CNTN6: variants seen among roughly 807,000 people sequenced by gnomAD.
CNTN6 encodes the protein contactin-6.
A neutral mutation model predicts 122.8 loss-of-function variants in CNTN6; 137 were observed. That is an observed-to-expected ratio of 1.12 (90% CI 0.97 to 1.29). CNTN6 has a LOEUF of 1.29. Ranked by LOEUF, CNTN6 falls within the 50% of genes most tolerant of loss-of-function variation. The pLI is 0.00. For missense variants in CNTN6, 1,634 were observed against 1,223.4 expected (o/e 1.34, Z -5.01); for synonymous variants, 570 against 426.0 (o/e 1.34, Z -4.16).
chr3:1,389,623 T>C (rs1693783758), intron 20 of CNTN6, among the ~76,000 whole-genome samples: 2 of 137,934 alleles, frequency 1.4e-5, no homozygotes, highest in African/African-American at 5.0e-5. Flanking sequence ...GACTGGCAAA[T>C]TGGATAAACA....
intron 4 of CNTN6, among the ~76,000 whole-genome samples, chr3:1,274,063 T>C (rs1448267055): frequency 6.6e-6 from 1 of 152,202 alleles, no homozygotes; most frequent in Non-Finnish European, 1.5e-5. Context: ...ATAGTCACAA[T>C]TTAATGGGGC....
At chr3:1,139,911 T>C (rs189443268) in intron 1 of CNTN6, among the ~76,000 whole-genome samples, 22 of 152,316 alleles carry the variant, frequency 1.4e-4, no homozygotes, top group African/African-American at 4.8e-4. Flanking sequence ...TTCAGGCACA[T>C]GTTCCTAAGT....
intron 4 of CNTN6, among the ~76,000 whole-genome samples, chr3:1,275,692 GATC>G (rs2125776858): frequency 6.6e-6 from 1 of 152,272 alleles, no homozygotes; most frequent in Admixed American, 6.5e-5. Flanking sequence ...GACAGTGACA[GATC>G]ATCAGGCATT....
chr3:1,287,792 A>C (rs2125831698), intron 5 of CNTN6, among the ~76,000 whole-genome samples: 1 of 152,300 alleles, frequency 6.6e-6, no homozygotes, highest in Middle Eastern at 3.4e-3. Context: ...ATGCCATGGC[A>C]ACTTCTAGAA....
At chr3:1,136,438 C>G (rs1291021579) in intron 1 of CNTN6, among the ~76,000 whole-genome samples, 1 of 152,148 alleles carries the variant, frequency 6.6e-6, no homozygotes, top group Non-Finnish European at 1.5e-5. Flanking sequence ...GTTTGGGAAA[C>G]AGTGCAGGCT....
At chr3:1,396,428 G>C (rs1303654164) in intron 20 of CNTN6, among the ~76,000 whole-genome samples, 1 of 152,222 alleles carries the variant, frequency 6.6e-6, no homozygotes, top group African/African-American at 2.4e-5. Flanking sequence ...TGGGACTTCA[G>C]AGAGAATTGT....
At chr3:1,395,294 C>T (rs1694847710) in intron 20 of CNTN6, among the ~76,000 whole-genome samples, 1 of 152,146 alleles carries the variant, frequency 6.6e-6, no homozygotes, top group South Asian at 2.1e-4. Context: ...ATATAAGTTG[C>T]TTATCACACA....
intron 10 of CNTN6, 104 bp downstream of exon 10, chr3:1,327,690 C>A (rs1465430124): frequency 2.6e-6 from 3 of 1,143,014 alleles, no homozygotes; most frequent in African/African-American, 1.6e-5. Flanking sequence ...AAATTGCTGT[C>A]CCATCAAATA....
At chr3:1,243,554 C>T (rs1038342732) in intron 4 of CNTN6, among the ~76,000 whole-genome samples, 8 of 151,658 alleles carry the variant, frequency 5.3e-5, no homozygotes, top group Non-Finnish European at 7.4e-5. Flanking sequence ...CTTTTAGGGT[C>T]TAGGGCTGTA....
rs1553610778 is a variant in CNTN6, at chr3:1,158,969, C to CACACACATATATATATATATATATATAT, written c.55+10907_55+10908insCACACATATATATATATATATATATATA. Among the ~76,000 whole-genome samples the CACACACATATATATATATATATATATAT allele has an allele frequency of 4.4e-4, 50 of 112,838 alleles. 4 individuals are homozygous for CACACACATATATATATATATATATATAT. The highest frequency in any genetic ancestry group is 1.9e-3 in the African/African-American group (49 of 26,194). The allele number at this position is 112,838 out of a possible 152,430, so 74.0% of individuals were successfully genotyped here. On this transcript the variant is annotated intron_variant, in intron 2 of 22. Coordinates refer to ENST00000446702, the MANE Select transcript of CNTN6 (RefSeq NM_001289080.2). Reference sequence around the variant, plus strand: ...ATATATATATACACACACACACACACATATATATATATATAGACAAGGTCT... The same window carrying CACACACATATATATATATATATATATAT: ...ATATATATATACACACACACACACACACACACATATATATATATATATATATATATATATATATATATAGACAAGGTCT...
intron 2 of CNTN6, among the ~76,000 whole-genome samples, chr3:1,187,769 C>A (rs114917000): frequency 0.074 from 11,261 of 152,274 alleles, 518 homozygotes; most frequent in Middle Eastern, 0.12. Context: ...AGGTCAGATG[C>A]CCAAGAAGCT....
Position 1,401,342 on chromosome 3 carries a change from G to A in CNTN6, c.2705-91G>A, listed in dbSNP as rs78592543. 1,374 of 995,346 alleles carry A rather than the reference G, an allele frequency of 1.4e-3. 15 individuals carry two copies. In the Admixed American group the frequency reaches 0.021, roughly 15 times the overall value. The allele number at this position is 995,346 out of a possible 1,614,324, so 61.7% of individuals were successfully genotyped here. A position where few individuals can be genotyped will look rare whatever the true frequency, so the allele number is the denominator to read the frequency against. On this transcript the variant is annotated intron_variant, in intron 20 of 22. Coordinates refer to ENST00000446702, the MANE Select transcript of CNTN6 (RefSeq NM_001289080.2). The stretch of plus-strand genomic sequence containing the variant: ...TTTAGCTCCTTCTATGCAAATCATC[G>A]AAGACTTATTTTTTCTTTTCATGTT...
intron 5 of CNTN6, among the ~76,000 whole-genome samples, chr3:1,284,998 A>C (rs1016406939): frequency 1.3e-5 from 2 of 152,178 alleles, no homozygotes; most frequent in African/African-American, 4.8e-5. Flanking sequence ...ATGAAAATTC[A>C]CTGGTTTATA....
chr3:1,388,263 C>CCCCT lies in CNTN6; in HGVS notation c.2704+2466_2704+2467insCCCT, dbSNP rs1693448761. Among the ~76,000 whole-genome samples the CCCCT allele has an allele frequency of 2.0e-5, 3 of 148,932 alleles. 1 individual carries two copies. The highest frequency in any genetic ancestry group is 4.5e-5 in the Non-Finnish European group (3 of 66,848). On this transcript the variant is annotated intron_variant, in intron 20 of 22. Coordinates refer to ENST00000446702, the MANE Select transcript of CNTN6 (RefSeq NM_001289080.2). ...AAGTGGGTCCCTGACCCCTGACCCCCGAGCAGCCTAACTGGGAGGCACCCC... is the reference window on the plus strand; with the variant it reads ...AAGTGGGTCCCTGACCCCTGACCCCCCCCTGAGCAGCCTAACTGGGAGGCACCCC...
chr3:1,252,468 T>A (rs2094686731), intron 4 of CNTN6, among the ~76,000 whole-genome samples: 1 of 152,190 alleles, frequency 6.6e-6, no homozygotes, highest in African/African-American at 2.4e-5. Context: ...TCTTCTAAAA[T>A]TTTTTCTTAT....
chr3:1,171,955 T>C (rs2093365250), intron 2 of CNTN6, among the ~76,000 whole-genome samples: 1 of 152,166 alleles, frequency 6.6e-6, no homozygotes. Context: ...AAGAACCATG[T>C]TGCATCGTGC....
At position 1,300,392 on chromosome 3, in the gene CNTN6, C is replaced by T. The variant is rs115430581; in HGVS notation, c.761+2401C>T. 9.7e-3 allele frequency among the ~76,000 whole-genome samples: 1,464 copies of T among 151,388 alleles called. 29 individuals are homozygous for T. The highest frequency in any genetic ancestry group is 0.034 in the African/African-American group (1,401 of 41,140). On this transcript the variant is annotated intron_variant, in intron 7 of 22. Transcript: ENST00000446702. ...TCATCTTTCCCAGCCCAGTCCTGTTCTCTCTGTCTCAGGATTGATGACAGT... is the reference window on the plus strand; with the variant it reads ...TCATCTTTCCCAGCCCAGTCCTGTTTTCTCTGTCTCAGGATTGATGACAGT...
intron 7 of CNTN6, among the ~76,000 whole-genome samples, chr3:1,307,811 T>C (rs1392814605): frequency 1.3e-5 from 2 of 152,122 alleles, no homozygotes; most frequent in African/African-American, 4.8e-5. Context: ...GGTTACAAGT[T>C]TTGGAGAGGA....
intron 11 of CNTN6, among the ~76,000 whole-genome samples, chr3:1,345,119 CTTTT>C (rs34433982): frequency 7.0e-6 from 1 of 143,330 alleles, no homozygotes. Flanking sequence ...TGTACAATTA[CTTTT>C]TTTTTTTTTT....
Sources: gnomAD v4.1 joint callset for allele counts (sites outside exome capture counted in the v4.1 genomes callset) on GRCh38, gnomAD v4.1.1 for gene constraint, MANE v1.5 for transcripts, NCBI Gene and HGNC (gene_info 2026-07-23, HGNC 2026-07-21) for gene names.